The following EMP2 variants were observed in gnomAD, a reference collection of about 807,000 sequenced individuals.
EMP2 encodes epithelial membrane protein 2.
In EMP2, 19 loss-of-function variants were observed where a neutral mutation model predicts 13.7. The ratio of observed to expected loss-of-function variants is 1.38; its 90% confidence interval spans 0.97 to 2.03. The LOEUF (loss-of-function observed/expected upper bound fraction) is 2.03, where lower values mean the gene tolerates loss of function less well. EMP2 is among the 30% of genes most tolerant of loss of function. The pLI is 0.00. For missense variants in EMP2, 253 were observed against 220.7 expected, an observed-to-expected ratio of 1.15 and a Z score of -0.93; for synonymous variants, 97 against 84.7, an observed-to-expected ratio of 1.15 and a Z score of -0.80.
At chr16:10,551,840 C>T (rs1208795213) in intron 1 of EMP2, among the ~76,000 whole-genome samples, 1 of 152,116 alleles carries the variant, frequency 6.6e-6, no homozygotes, top group Non-Finnish European at 1.5e-5. Context: ...CATTCTCATC[C>T]CCATTATCCC....
At chr16:10,574,871 T>G (rs2142213769) in intron 1 of EMP2, among the ~76,000 whole-genome samples, 2 of 152,204 alleles carry the variant, frequency 1.3e-5, no homozygotes, top group South Asian at 4.2e-4. Context: ...TTCTCTTAAT[T>G]TAAGAGATGG....
At chr16:10,557,340 G>C (rs1372235273) in intron 1 of EMP2, among the ~76,000 whole-genome samples, 1 of 145,052 alleles carries the variant, frequency 6.9e-6, no homozygotes, top group Non-Finnish European at 1.5e-5. Context: ...CTGGGTGACA[G>C]AGTGAGACTC....
At position 10,532,603 on chromosome 16, in the gene EMP2, G is replaced by C. The variant is rs952066864; in HGVS notation, c.*302C>G. 5.7e-6 allele frequency: 1 copy of C among 176,822 alleles called. No homozygotes were observed. Among genetic ancestry groups the C allele is most frequent in the Non-Finnish European group, 1.2e-5 (1 of 84,836 alleles). 11.0% of individuals were successfully genotyped at this position (176,822 alleles called of 1,614,324 possible). ...CCCCATGGTTAAGAAATGTCCTGCC[G>C]AGTGCTTTTGGATTTGAGCATTGCT... is the stretch of plus-strand genomic sequence containing the variant. On this transcript the variant is annotated 3_prime_UTR_variant, in exon 5 of 5. Coordinates refer to ENST00000359543, the MANE Select transcript of EMP2 (RefSeq NM_001424.6).
At chr16:10,559,532 G>GA (rs1218874207) in intron 1 of EMP2, among the ~76,000 whole-genome samples, 1 of 152,186 alleles carries the variant, frequency 6.6e-6, no homozygotes, top group Non-Finnish European at 1.5e-5. Context: ...CAATCTCTTG[G>GA]AATAATAACA....
Position 10,532,726 on chromosome 16 carries a change from CTT to C in EMP2, c.*177_*178del, listed in dbSNP as rs1567199034. 1 of 503,094 alleles carries C rather than the reference CTT, an allele frequency of 2.0e-6. No individual in the cohort carries two copies. The highest frequency in any genetic ancestry group is 2.8e-6 in the Non-Finnish European group (1 of 359,614). The allele number at this position is 503,094 out of a possible 1,614,324, so 31.2% of individuals were successfully genotyped here. ...CTCTGATCTCAAGAATGCAAAAACT[CTT>C]CTCTCTTTTGGATTTTTTTTTTCTT... On this transcript the variant is annotated 3_prime_UTR_variant, in exon 5 of 5. Coordinates refer to ENST00000359543, the MANE Select transcript of EMP2 (RefSeq NM_001424.6).
intron 1 of EMP2, among the ~76,000 whole-genome samples, chr16:10,551,613 G>C (rs900507008): frequency 2.0e-5 from 3 of 152,144 alleles, no homozygotes; most frequent in Non-Finnish European, 1.5e-5. Context: ...CACTGTGTTT[G>C]CCAGGCTGGT....
chr16:10,567,013 T>C (rs1166797927), intron 1 of EMP2, among the ~76,000 whole-genome samples: 1 of 152,228 alleles, frequency 6.6e-6, no homozygotes, highest in Non-Finnish European at 1.5e-5. Flanking sequence ...TGACTTCTTC[T>C]CTTCATTCAG....
chr16:10,570,823 G>A (rs144589419), intron 1 of EMP2, among the ~76,000 whole-genome samples: 142 of 152,252 alleles, frequency 9.3e-4, no homozygotes, highest in African/African-American at 3.2e-3. Context: ...TTATAGGCAT[G>A]AGCCACCATG....
intron 3 of EMP2, among the ~76,000 whole-genome samples, chr16:10,539,594 T>C (rs1271124014): frequency 6.6e-6 from 1 of 151,832 alleles, no homozygotes; most frequent in African/African-American, 2.4e-5. Flanking sequence ...TTCTGGAGAG[T>C]TGGCAATGTT....
At chr16:10,541,151 C>T (rs1336640374) in intron 3 of EMP2, among the ~76,000 whole-genome samples, 1 of 152,002 alleles carries the variant, frequency 6.6e-6, no homozygotes, top group Non-Finnish European at 1.5e-5. Context: ...CCTAAAAACC[C>T]CAGCACTTTG....
At chr16:10,564,490 CAAA>C (rs34683301) in intron 1 of EMP2, among the ~76,000 whole-genome samples, 14 of 70,870 alleles carry the variant, frequency 2.0e-4, no homozygotes, top group African/African-American at 5.1e-4. Context: ...GACTCTGTCT[CAAA>C]AAAAAAAAAA....
intron 1 of EMP2, chr16:10,558,927 T>G (rs970282737): frequency 5.9e-5 from 9 of 152,320 alleles, no homozygotes; most frequent in African/African-American, 2.2e-4. Context: ...CCAGTCTGAG[T>G]TGGAGCCTTT....
intron 1 of EMP2, among the ~76,000 whole-genome samples, chr16:10,578,846 G>A (rs78077525): frequency 0.02 from 2,983 of 152,336 alleles, 112 homozygotes; most frequent in African/African-American, 0.068. Flanking sequence ...CCACCTCCAC[G>A]CCTCTCCCTG....
At chr16:10,564,941 G>A (rs1390341156) in intron 1 of EMP2, among the ~76,000 whole-genome samples, 1 of 152,124 alleles carries the variant, frequency 6.6e-6, no homozygotes, top group East Asian at 1.9e-4. Flanking sequence ...TGGAAAGTCA[G>A]CATCACCTGC....
rs2050613983 is a variant in EMP2, at chr16:10,532,745, T to TTTTCTTTTTTC, written c.*159_*160insGAAAAAAGAAA. The TTTTCTTTTTTC allele has an allele frequency of 3.6e-6, 1 of 276,142 alleles. No individual in the cohort carries two copies. The highest frequency in any genetic ancestry group is 5.3e-6 in the Non-Finnish European group (1 of 188,882). The allele number at this position is 276,142 out of a possible 1,614,324, so 17.1% of individuals were successfully genotyped here. ...AAAACTCTTCTCTCTTTTGGATTTT[T>TTTTCTTTTTTC]TTTTTCTTTTTTCTTTTTTTTTTTT... On this transcript the variant is annotated 3_prime_UTR_variant, in exon 5 of 5. Transcript: ENST00000359543.
At chr16:10,542,773 C>T (rs2050709902) in intron 3 of EMP2, among the ~76,000 whole-genome samples, 2 of 152,238 alleles carry the variant, frequency 1.3e-5, no homozygotes, top group African/African-American at 2.4e-5. Context: ...TTCTGTTCTA[C>T]AGCTGAGGAT....
intron 3 of EMP2, among the ~76,000 whole-genome samples, chr16:10,541,313 A>C (rs2050696775): frequency 6.6e-6 from 1 of 152,202 alleles, no homozygotes; most frequent in Non-Finnish European, 1.5e-5. Context: ...AAAAGTTGGC[A>C]AACTTTTTCA....
At chr16:10,534,563 C>T (rs1010786343) in intron 4 of EMP2, among the ~76,000 whole-genome samples, 1 of 152,078 alleles carries the variant, frequency 6.6e-6, no homozygotes, top group East Asian at 1.9e-4. Flanking sequence ...CCCAGGAGCT[C>T]GAGACCAGCC....
chr16:10,536,034 T>TG lies in EMP2; in HGVS notation c.316+1893dup, dbSNP rs375839508. The stretch of plus-strand genomic sequence containing the variant: ...GTCCCCGGAAGGACTGTGGTGGACT[T>TG]GGGGGGTTCTCAAGATCAAGTGACC... On this transcript the variant is annotated intron_variant, in intron 4 of 4. Transcript: ENST00000359543. Among the ~76,000 whole-genome samples, 373 of 152,090 alleles carry TG rather than the reference T, an allele frequency of 2.5e-3. 2 individuals are homozygous for TG. The highest frequency in any genetic ancestry group is 8.9e-3 in the African/African-American group (370 of 41,484).
Sources: allele counts gnomAD v4.1 joint callset (sites outside exome capture counted in the v4.1 genomes callset), GRCh38; gene constraint gnomAD v4.1.1; transcripts MANE v1.5; gene names NCBI Gene and HGNC (gene_info 2026-07-23, HGNC 2026-07-21).